PUM1: variants seen among roughly 807,000 people sequenced by gnomAD.
PUM1 encodes pumilio RNA binding family member 1, also known as pumilio homolog 1.
In PUM1, 13 loss-of-function variants were observed where a neutral mutation model predicts 131.8. The ratio of observed to expected loss-of-function variants is 0.10; its 90% CI spans 0.06 to 0.16. PUM1 has a LOEUF of 0.16. Ranked by LOEUF, PUM1 falls within the 10% of genes least tolerant of loss-of-function variation. PUM1 has a pLI of 1.00. For synonymous variants in PUM1, 509 were observed against 556.5 expected, an observed-to-expected ratio of 0.91 and a Z score of 1.20; for missense variants, 961 against 1,512.4, an observed-to-expected ratio of 0.64 and a Z score of 6.05.
chr1:31,051,145 T>A (rs1041409120), intron 2 of PUM1: 4 of 151,636 alleles, frequency 2.6e-5, no homozygotes, highest in African/African-American at 4.8e-5. Flanking sequence ...AAAAATAAAA[T>A]TTTTAAAACC....
intron 14 of PUM1, among the ~76,000 whole-genome samples, chr1:30,962,528 A>G (rs935246519): frequency 6.6e-6 from 1 of 152,036 alleles, no homozygotes; most frequent in African/African-American, 2.4e-5. Context: ...CTCCCACCTC[A>G]GCCTCCCAAG....
chr1:30,941,370 C>A, intron 19 of PUM1, 98 bp from the exon 20 acceptor site: 2 of 1,296,222 alleles, frequency 1.5e-6, no homozygotes, highest in Non-Finnish European at 2.1e-6. Context: ...CTTTCTTTTA[C>A]CACCATAACG....
rs1640551850 is a variant in PUM1 at position 30,964,702 on chromosome 1, T to C, written c.2295A>G (p.Ser765=). The change falls in exon 14 of 22, where the codon TCA becomes TCG. Residue 765 remains serine, a synonymous_variant. Transcript: ENST00000426105. ...GGTTTAAGCTTGAAGAGGATCCATGTGAAGAGAGGGAAGGAGGTGGTGTCT... is the reference window on the plus strand; with the variant it reads ...GGTTTAAGCTTGAAGAGGATCCATGCGAAGAGAGGGAAGGAGGTGGTGTCT... The part of the protein sequence containing the change: ...HSQTPPPSLS[S]HGSSSSLNLG... 6.2e-7 allele frequency: 1 copy of C among 1,613,454 alleles called. No individual in the cohort carries two copies. The highest frequency in any genetic ancestry group is 1.3e-5 in the African/African-American group (1 of 74,838).
intron 12 of PUM1, among the ~76,000 whole-genome samples, chr1:30,966,664 C>T (rs1640633845): frequency 6.6e-6 from 1 of 152,168 alleles, no homozygotes; most frequent in African/African-American, 2.4e-5. Context: ...TTTTAGCACA[C>T]TGCTGTCTTC....
chr1:31,035,680 GGCA>G (rs903405728), intron 2 of PUM1, among the ~76,000 whole-genome samples: 10 of 152,058 alleles, frequency 6.6e-5, no homozygotes, highest in Admixed American at 3.9e-4. Context: ...GAACCTGGGA[GGCA>G]GAGGTTGCAG....
chr1:31,030,014 G>A (rs544031357), intron 2 of PUM1, among the ~76,000 whole-genome samples: 4 of 151,528 alleles, frequency 2.6e-5, no homozygotes, highest in African/African-American at 7.3e-5. Flanking sequence ...TCAGGAGTTC[G>A]AGACCAGCCT....
At chr1:31,045,586 A>G (rs959515964) in intron 2 of PUM1, among the ~76,000 whole-genome samples, 2 of 152,152 alleles carry the variant, frequency 1.3e-5, no homozygotes, top group Non-Finnish European at 2.9e-5. Context: ...TCTGTACAAG[A>G]TGATAATATT....
chr1:31,030,222 A>G (rs1315441397), intron 2 of PUM1, among the ~76,000 whole-genome samples: 1 of 151,990 alleles, frequency 6.6e-6, no homozygotes, highest in Non-Finnish European at 1.5e-5. Flanking sequence ...AAAAAACAAA[A>G]CAAAAAAAAG....
chr1:30,993,164 T>C (rs1641856042), intron 6 of PUM1, among the ~76,000 whole-genome samples: 1 of 152,166 alleles, frequency 6.6e-6, no homozygotes, highest in Non-Finnish European at 1.5e-5. Context: ...TCGTTGGTAT[T>C]ACTGACCAAT....
intron 3 of PUM1, among the ~76,000 whole-genome samples, chr1:31,023,826 G>C (rs1057018541): frequency 6.6e-6 from 1 of 151,652 alleles, no homozygotes; most frequent in South Asian, 2.1e-4. Context: ...CCACTCAAGA[G>C]GCTGAAGCAG....
At chr1:31,054,869 C>G (rs1401692870) in intron 2 of PUM1, among the ~76,000 whole-genome samples, 1 of 152,060 alleles carries the variant, frequency 6.6e-6, no homozygotes, top group African/African-American at 2.4e-5. Context: ...ACAGTTTTGT[C>G]TGGTTTATCT....
At chr1:31,002,021 T>C (rs1642235543) in intron 5 of PUM1, among the ~76,000 whole-genome samples, 1 of 152,242 alleles carries the variant, frequency 6.6e-6, no homozygotes. Context: ...CCACTGACTT[T>C]GGTAGTAAGA....
chr1:31,007,475 C>G (rs1467235096), intron 3 of PUM1, among the ~76,000 whole-genome samples: 2 of 152,176 alleles, frequency 1.3e-5, no homozygotes, highest in Non-Finnish European at 2.9e-5. Context: ...GTATTTACAA[C>G]TATTAAAACA....
chr1:30,980,927 A>G (rs2124468676), intron 8 of PUM1, among the ~76,000 whole-genome samples: 2 of 152,328 alleles, frequency 1.3e-5, no homozygotes, highest in South Asian at 4.1e-4. Flanking sequence ...TTACTGGAAA[A>G]TGGATTTATA....
intron 2 of PUM1, among the ~76,000 whole-genome samples, chr1:31,048,193 C>G (rs916032462): frequency 6.6e-6 from 1 of 151,574 alleles, no homozygotes; most frequent in South Asian, 2.1e-4. Flanking sequence ...GAGCTGATAT[C>G]GCGCCACTGC....
At chr1:30,959,134 A>G (rs1322318577) in intron 14 of PUM1, among the ~76,000 whole-genome samples, 1 of 152,232 alleles carries the variant, frequency 6.6e-6, no homozygotes, top group Non-Finnish European at 1.5e-5. Context: ...GGTTAAGTAA[A>G]AATCTTACTA....
chr1:30,992,597 A>G lies in PUM1; in HGVS notation c.951T>C (p.Asn317=). The G allele has an allele frequency of 1.9e-6, 3 of 1,614,168 alleles. No homozygotes were observed. Among genetic ancestry groups the G allele is most frequent in the Non-Finnish European group, 2.5e-6 (3 of 1,180,012 alleles). ...TCAGCTGGGCTAAGCCCTCAGAACC[A>G]TTCTGGTTTGGACCCAGAAGATCCA... ...NEVDLLGPNQ[N]GSEGLAQLTS... The change falls in exon 7 of 22, where the codon AAT becomes AAC. Residue 317 remains asparagine (N), a synonymous_variant. Coordinates refer to ENST00000426105, the MANE Select transcript of PUM1 (RefSeq NM_001020658.2).
At position 31,065,696 on chromosome 1, in the gene PUM1, T is replaced by C; in HGVS notation, c.-92A>G. 1 of 1,548,420 alleles carries C rather than the reference T, an allele frequency of 6.5e-7. No individual in the cohort carries two copies. Among genetic ancestry groups the C allele is most frequent in the African/African-American group, 1.4e-5 (1 of 72,474 alleles). On this transcript the variant is annotated 5_prime_UTR_variant, in exon 1 of 22. Coordinates refer to ENST00000426105, the MANE Select transcript of PUM1 (RefSeq NM_001020658.2). The stretch of plus-strand genomic sequence containing the variant: ...GCTCTCGCTCCCCCTTACCTTTCAC[T>C]CCGACAACATGGCGGCCCACTGGGG...
chr1:30,951,681 C>T (rs907793824), intron 16 of PUM1, among the ~76,000 whole-genome samples: 1 of 152,196 alleles, frequency 6.6e-6, no homozygotes, highest in African/African-American at 2.4e-5. Context: ...ACCTAACAAT[C>T]TCATTCTTTC....
Sources: allele counts gnomAD v4.1 joint callset (sites outside exome capture counted in the v4.1 genomes callset), GRCh38; gene constraint gnomAD v4.1.1; transcripts MANE v1.5; gene names NCBI Gene and HGNC (gene_info 2026-07-23, HGNC 2026-07-21).